The following RPS6KA2 variants were observed in gnomAD, a reference collection of about 807,000 sequenced individuals.
The protein encoded by RPS6KA2 is ribosomal protein S6 kinase alpha-2.
RPS6KA2 carries 42 observed loss-of-function variants against 91.8 expected under a neutral mutation model. The observed-to-expected ratio is 0.46, with a 90% CI of 0.36 to 0.59. RPS6KA2 has a LOEUF of 0.59. RPS6KA2 is among the 20% of genes least tolerant of loss of function. The pLI is 0.00. For missense variants in RPS6KA2, 798 were observed against 978.5 expected, an observed-to-expected ratio of 0.82 and a Z score of 2.46; for synonymous variants, 414 against 393.6, an observed-to-expected ratio of 1.05 and a Z score of -0.61.
intron 2 of RPS6KA2, among the ~76,000 whole-genome samples, chr6:166,809,263 A>G (rs1310275480): frequency 6.6e-6 from 1 of 152,202 alleles, no homozygotes; most frequent in African/African-American, 2.4e-5. Flanking sequence ...CTCAGAGAAG[A>G]TAATGGAGGA....
In RPS6KA2 at chr6:166,821,840, T is replaced by A. The variant is rs1779911644; in HGVS notation, c.123+36360A>T. 1.3e-5 allele frequency among the ~76,000 whole-genome samples: 2 copies of A among 152,158 alleles called. No individual in the cohort carries two copies. The highest frequency in any genetic ancestry group is 1.3e-4 in the Admixed American group (2 of 15,282). ...TTCACAGGCATACTGAAGTTAACGT[T>A]GTTGTGTTGGATTCCCCACTCAGAC... On this transcript the variant is annotated intron_variant, in intron 2 of 21. Coordinates refer to the RPS6KA2 transcript ENST00000503859. The surrounding 1 kb of genome is among the most constrained non-coding windows in gnomAD (Gnocchi z 4.1).
At chr6:166,828,560 A>G (rs527419856) in intron 2 of RPS6KA2, among the ~76,000 whole-genome samples, 209 of 152,378 alleles carry the variant, frequency 1.4e-3, no homozygotes, top group African/African-American at 4.8e-3. Context: ...ATATAAATGT[A>G]TTCAGTGTGC....
At chr6:166,640,430 C>T (rs190683291) in intron 2 of RPS6KA2, among the ~76,000 whole-genome samples, 32 of 152,316 alleles carry the variant, frequency 2.1e-4, no homozygotes, top group Admixed American at 1.8e-3. Flanking sequence ...GAGAATAGCC[C>T]GTGTGGCAGC....
At chr6:166,789,620 G>T (rs905683586) in intron 2 of RPS6KA2, among the ~76,000 whole-genome samples, 2 of 152,158 alleles carry the variant, frequency 1.3e-5, no homozygotes, top group Non-Finnish European at 2.9e-5. Context: ...CCCCAGTAGG[G>T]GCAGACTGAC....
At chr6:166,820,120 A>G (rs951122824) in intron 2 of RPS6KA2, among the ~76,000 whole-genome samples, 3 of 152,162 alleles carry the variant, frequency 2.0e-5, no homozygotes, top group African/African-American at 7.2e-5. Flanking sequence ...ATCTGTATGT[A>G]TCTTTGTCCT....
chr6:166,491,782 A>G (rs1037291787), intron 8 of RPS6KA2, among the ~76,000 whole-genome samples: 4 of 152,372 alleles, frequency 2.6e-5, no homozygotes, highest in Non-Finnish European at 4.4e-5. Context: ...ACCCAAAGAT[A>G]TCCAAACTTA....
chr6:166,723,856 C>A (rs553075523), intron 2 of RPS6KA2, among the ~76,000 whole-genome samples: 2 of 151,930 alleles, frequency 1.3e-5, no homozygotes, highest in Non-Finnish European at 2.9e-5. Flanking sequence ...CGCGCCACCA[C>A]GCCCAGCTAA....
Position 166,772,945 on chromosome 6 carries a change from A to G in RPS6KA2, c.123+85255T>C, listed in dbSNP as rs567174696. Among the ~76,000 whole-genome samples, 6 of 152,280 alleles carry G rather than the reference A, an allele frequency of 3.9e-5. No individual in the cohort carries two copies. In the South Asian group the frequency reaches 1.0e-3, roughly 26 times the overall value. ...GAATCTGGAATGACTTGGACATTAA[A>G]TGAGGATTCTCCAGCCACTCTGCAG... On this transcript the variant is annotated intron_variant, in intron 2 of 21. Coordinates refer to the RPS6KA2 transcript ENST00000503859.
chr6:166,691,993 A>G (rs1789220025), intron 2 of RPS6KA2, among the ~76,000 whole-genome samples: 1 of 152,268 alleles, frequency 6.6e-6, no homozygotes, highest in Admixed American at 6.5e-5. Flanking sequence ...GCAGTCACCC[A>G]TCAGCTGAAA....
rs530209707 is a variant in RPS6KA2 at position 166,437,195 on chromosome 6, T to C, written c.1333-4705A>G. 6.6e-6 allele frequency among the ~76,000 whole-genome samples: 1 copy of C among 152,244 alleles called. No homozygotes were observed. The highest frequency in any genetic ancestry group is 1.9e-4 in the East Asian group (1 of 5,178). On this transcript the variant is annotated intron_variant, in intron 14 of 20. Transcript: ENST00000265678. This position sits in a 1 kb window ranked among gnomAD's most constrained non-coding sequence, Gnocchi z 4.3. ...GCAGCCGGGGTTTGGACACACTGTTTAGGAGCACCAGGGAGTGGGCCCCAA... is the reference window on the plus strand; with the variant it reads ...GCAGCCGGGGTTTGGACACACTGTTCAGGAGCACCAGGGAGTGGGCCCCAA...
chr6:166,574,127 G>A (rs1479649233), intron 1 of RPS6KA2, among the ~76,000 whole-genome samples: 8 of 152,138 alleles, frequency 5.3e-5, no homozygotes, highest in Non-Finnish European at 1.0e-4. Context: ...GCTGACCGAG[G>A]CCAGGTGCAA....
At chr6:166,847,420 A>G (rs1192606744) in intron 2 of RPS6KA2, among the ~76,000 whole-genome samples, 1 of 152,214 alleles carries the variant, frequency 6.6e-6, no homozygotes, top group Non-Finnish European at 1.5e-5. Flanking sequence ...TCTAAAATTC[A>G]TATGGAACCA....
Position 166,557,072 on chromosome 6 carries a change from G to A in RPS6KA2, c.100-18288C>T, listed in dbSNP as rs1384448718. On this transcript the variant is annotated intron_variant, in intron 1 of 20. Transcript: ENST00000265678. The surrounding 1 kb of genome is among the most constrained non-coding windows in gnomAD (Gnocchi z 4.8). Reference sequence around the variant, plus strand: ...AGCCGGGGCTGACTCATCACATCCCGCCTCGCCAAACACGTTTTCTCTTCC... The same window carrying A: ...AGCCGGGGCTGACTCATCACATCCCACCTCGCCAAACACGTTTTCTCTTCC... Among the ~76,000 whole-genome samples, 1 of 152,190 alleles carries A rather than the reference G, an allele frequency of 6.6e-6. No homozygotes were observed. The highest frequency in any genetic ancestry group is 1.5e-5 in the Non-Finnish European group (1 of 68,038).
chr6:166,449,277 T>C (rs1480569219), intron 13 of RPS6KA2, among the ~76,000 whole-genome samples: 1 of 152,132 alleles, frequency 6.6e-6, no homozygotes, highest in Non-Finnish European at 1.5e-5. Flanking sequence ...TGCTCTGACC[T>C]GCATGCAGCA....
At chr6:166,719,549 G>T (rs567947500) in intron 2 of RPS6KA2, among the ~76,000 whole-genome samples, 2 of 152,160 alleles carry the variant, frequency 1.3e-5, no homozygotes, top group Non-Finnish European at 1.5e-5. Flanking sequence ...TGTCTGTGAC[G>T]ATGTATCTAT....
chr6:166,522,591 C>T (rs1172835840), intron 3 of RPS6KA2, among the ~76,000 whole-genome samples: 1 of 152,212 alleles, frequency 6.6e-6, no homozygotes, highest in Non-Finnish European at 1.5e-5. Flanking sequence ...TGTGCTAGCT[C>T]GGTCTCCCCC....
At chr6:166,778,434 T>G (rs892611556) in intron 2 of RPS6KA2, among the ~76,000 whole-genome samples, 1 of 152,224 alleles carries the variant, frequency 6.6e-6, no homozygotes, top group Non-Finnish European at 1.5e-5. Context: ...TACTAAAGAA[T>G]TCTTTAAACA....
chr6:166,518,483 A>C (rs1185320318), intron 3 of RPS6KA2, among the ~76,000 whole-genome samples: 1 of 152,198 alleles, frequency 6.6e-6, no homozygotes, highest in African/African-American at 2.4e-5. Context: ...CAAAAGCCAA[A>C]ATAAATACAA....
intron 10 of RPS6KA2, among the ~76,000 whole-genome samples, chr6:166,470,201 C>T (rs1011834464): frequency 2.5e-4 from 38 of 152,232 alleles, no homozygotes; most frequent in Non-Finnish European, 4.0e-4. Flanking sequence ...CTGCATGTGA[C>T]GGCTGCCTAG....
Sources: gnomAD v4.1 joint callset for allele counts (sites outside exome capture counted in the v4.1 genomes callset) on GRCh38, gnomAD v4.1.1 for gene constraint, Gnocchi (gnomAD v3.1) non-coding constraint, MANE v1.5 for transcripts, NCBI Gene and HGNC (gene_info 2026-07-23, HGNC 2026-07-21) for gene names.